The following DKK2 variants were observed in gnomAD, a reference collection of about 807,000 sequenced individuals.
The protein encoded by DKK2 is dickkopf Wnt signaling pathway inhibitor 2.
DKK2 carries 11 observed loss-of-function variants against 28.1 expected under a neutral mutation model. The ratio of observed to expected loss-of-function variants is 0.39; its 90% CI spans 0.25 to 0.65. The LOEUF (loss-of-function observed/expected upper bound fraction) is 0.65, where lower values mean the gene tolerates loss of function less well. DKK2 is among the 30% of genes least tolerant of loss of function. The pLI is 0.47. For missense variants in DKK2, 326 were observed against 335.5 expected, an observed-to-expected ratio of 0.97 and a Z score of 0.22; for synonymous variants, 135 against 126.5, an observed-to-expected ratio of 1.07 and a Z score of -0.45.
intron 1 of DKK2, among the ~76,000 whole-genome samples, chr4:106,997,361 G>A (rs530307917): frequency 4.6e-5 from 7 of 151,722 alleles, no homozygotes; most frequent in Non-Finnish European, 8.8e-5. Context: ...TCCTTTCCTG[G>A]TTAAAACGCT....
At chr4:106,983,037 TGAA>T (rs1723049580) in intron 1 of DKK2, among the ~76,000 whole-genome samples, 1 of 104,316 alleles carries the variant, frequency 9.6e-6, no homozygotes, top group Non-Finnish European at 2.1e-5. Context: ...AGAAGAAAGA[TGAA>T]AGAAAGAAAG....
intron 1 of DKK2, among the ~76,000 whole-genome samples, chr4:106,988,908 A>T (rs1201636526): frequency 2.0e-5 from 3 of 152,134 alleles, no homozygotes; most frequent in African/African-American, 4.8e-5. Context: ...AACACTGTCT[A>T]ATGGGCCAAG....
At chr4:106,960,943 A>G (rs2110350312) in intron 1 of DKK2, among the ~76,000 whole-genome samples, 1 of 152,278 alleles carries the variant, frequency 6.6e-6, no homozygotes, top group African/African-American at 2.4e-5. Flanking sequence ...TGAGGGAAAT[A>G]GTAAAATTAT....
At chr4:106,949,850 C>T (rs1028342443) in intron 1 of DKK2, among the ~76,000 whole-genome samples, 2 of 151,942 alleles carry the variant, frequency 1.3e-5, no homozygotes, top group Non-Finnish European at 2.9e-5. Context: ...TCTATTAGGA[C>T]CAAACCAAAC....
chr4:106,955,571 T>C (rs761153129), intron 1 of DKK2, among the ~76,000 whole-genome samples: 1 of 152,002 alleles, frequency 6.6e-6, no homozygotes, highest in Non-Finnish European at 1.5e-5. Flanking sequence ...TTCACCACAG[T>C]CTCCCTTTTC....
At chr4:106,996,205 T>C (rs1050149195) in intron 1 of DKK2, among the ~76,000 whole-genome samples, 10 of 152,206 alleles carry the variant, frequency 6.6e-5, no homozygotes, top group African/African-American at 2.4e-4. Flanking sequence ...ATTGTTCAGA[T>C]ACAAAGCTGT....
chr4:107,008,031 C>T (rs930556963), intron 1 of DKK2, among the ~76,000 whole-genome samples: 1 of 152,044 alleles, frequency 6.6e-6, no homozygotes, highest in African/African-American at 2.4e-5. Flanking sequence ...TGATTCAATG[C>T]CATTGCTCTT....
At chr4:107,030,524 G>C (rs1232024082) in intron 1 of DKK2, among the ~76,000 whole-genome samples, 3 of 151,878 alleles carry the variant, frequency 2.0e-5, no homozygotes, top group Admixed American at 2.0e-4. Flanking sequence ...TAAACCTTTT[G>C]AACAATCAGA....
intron 1 of DKK2, among the ~76,000 whole-genome samples, chr4:106,966,804 A>T (rs1406880016): frequency 6.6e-6 from 1 of 152,166 alleles, no homozygotes; most frequent in Non-Finnish European, 1.5e-5. Context: ...AAACCAACAG[A>T]TCTCATGAGA....
At chr4:106,935,537 T>G (rs28522398) in intron 1 of DKK2, among the ~76,000 whole-genome samples, 9,422 of 152,110 alleles carry the variant, frequency 0.062, 319 homozygotes, top group Non-Finnish European at 0.074. Context: ...CGAGGCTGGG[T>G]GAGGGGCGCC....
rs1355847666 is a variant in DKK2, at chr4:107,035,558, A to C, written c.34T>G (p.Cys12Gly). The change falls in exon 1 of 4, where the codon TGC becomes GGC. Residue 12 changes from cysteine to glycine, a missense_variant. Physicochemically the swap from Cys to Gly is radical, Grantham distance 159. Transcript: ENST00000285311. The stretch of plus-strand genomic sequence containing the variant: ...ACCGCGGCCAGTAGGAGCAGGCAGC[A>C]GGACGAATCCTTGCTCCGCATCAAC... ...AALMRSKDSS[C>G]CLLLLAAVLM... 1 of 1,614,086 alleles carries C rather than the reference A, an allele frequency of 6.2e-7. No individual in the cohort carries two copies. The highest frequency in any genetic ancestry group is 1.3e-5 in the African/African-American group (1 of 74,946).
chr4:106,933,180 A>G (rs772263348), intron 1 of DKK2, among the ~76,000 whole-genome samples: 9 of 152,202 alleles, frequency 5.9e-5, no homozygotes, highest in Admixed American at 2.0e-4. Context: ...ATAAGGTAAG[A>G]TAGGGAAACA....
chr4:106,945,417 G>C (rs933334984), intron 1 of DKK2, among the ~76,000 whole-genome samples: 15 of 152,092 alleles, frequency 9.9e-5, no homozygotes, highest in Non-Finnish European at 1.9e-4. Flanking sequence ...AGTTAGAGGA[G>C]TAATCAGCCA....
intron 1 of DKK2, among the ~76,000 whole-genome samples, chr4:106,971,913 T>A (rs571483734): frequency 5.9e-5 from 9 of 152,180 alleles, no homozygotes; most frequent in African/African-American, 2.2e-4. Context: ...CTAGTTGGCA[T>A]CCTCATTATT....
intron 1 of DKK2, among the ~76,000 whole-genome samples, chr4:107,031,402 T>C (rs996824316): frequency 6.6e-6 from 1 of 152,012 alleles, no homozygotes; most frequent in South Asian, 2.1e-4. Flanking sequence ...TGCATACAGA[T>C]ACAGCACACT....
chr4:106,968,905 G>GTCATATTC (rs1236191887), intron 1 of DKK2, among the ~76,000 whole-genome samples: 1 of 152,050 alleles, frequency 6.6e-6, no homozygotes, highest in Non-Finnish European at 1.5e-5. Flanking sequence ...AAGATACACA[G>GTCATATTC]TCATATTCTT....
At chr4:107,022,299 A>G (rs1427545946) in intron 1 of DKK2, among the ~76,000 whole-genome samples, 3 of 152,154 alleles carry the variant, frequency 2.0e-5, no homozygotes, top group African/African-American at 7.2e-5. Context: ...CTGTGATCAT[A>G]GCATCTAATA....
At chr4:106,982,348 G>C (rs1428259515) in intron 1 of DKK2, among the ~76,000 whole-genome samples, 1 of 152,146 alleles carries the variant, frequency 6.6e-6, no homozygotes, top group East Asian at 1.9e-4. Context: ...GTAAGTTAGT[G>C]TACTCATCAC....
At chr4:106,958,214 A>C (rs1268422753) in intron 1 of DKK2, among the ~76,000 whole-genome samples, 2 of 151,512 alleles carry the variant, frequency 1.3e-5, no homozygotes, top group Non-Finnish European at 2.9e-5. Flanking sequence ...ATTATTAATA[A>C]TAAAAAAAAG....
Sources: gnomAD v4.1 joint callset for allele counts (sites outside exome capture counted in the v4.1 genomes callset) on GRCh38, gnomAD v4.1.1 for gene constraint, MANE v1.5 for transcripts, NCBI Gene and HGNC (gene_info 2026-07-23, HGNC 2026-07-21) for gene names.